The following TMEM179 variants were observed in gnomAD, a reference collection of about 807,000 sequenced individuals.
TMEM179 encodes the protein transmembrane protein 179, also known as transmembrane protein 179A.
Under a neutral mutation model 22.2 loss-of-function variants are expected in TMEM179, and 17 were observed. The observed-to-expected ratio is 0.77, with a 90% CI of 0.52 to 1.15. The LOEUF (loss-of-function observed/expected upper bound fraction) is 1.15, where lower values mean the gene tolerates loss of function less well. TMEM179 is among the 50% of genes most tolerant of loss of function. The pLI is 0.00. For synonymous variants in TMEM179, 127 were observed against 140.5 expected (o/e 0.90, Z 0.68); for missense variants, 265 against 313.6 (o/e 0.84, Z 1.17).
intron 3 of TMEM179, chr14:104,594,752 A>T (rs1886960893): frequency 1.4e-5 from 16 of 1,131,786 alleles, no homozygotes; most frequent in Non-Finnish European, 1.7e-5. Flanking sequence ...TGGCTAGGGG[A>T]CTCCTCTAAG....
Position 104,595,364 on chromosome 14 carries a change from A to C in TMEM179, c.444-121T>G. 6 of 937,592 alleles carry C rather than the reference A, an allele frequency of 6.4e-6. No homozygotes were observed. Among genetic ancestry groups the C allele is most frequent in the Non-Finnish European group, 9.7e-6 (6 of 620,794 alleles). The allele number at this position is 937,592 out of a possible 1,614,324, so 58.1% of individuals were successfully genotyped here. A position where few individuals can be genotyped will look rare whatever the true frequency, so the allele number is the denominator to read the frequency against. ...ACAATTGTTGGGCGAGGGGGTGGGC[A>C]GCAGGGAGTCTCTGGGGACATCACG... On this transcript the variant is annotated intron_variant, in intron 2 of 3. Transcript: ENST00000556573. The surrounding 1 kb of genome is among the most constrained non-coding windows in gnomAD (Gnocchi z 5.7).
chr14:104,593,757 A>G (rs964849312), intron 3 of TMEM179, 99 bp from the exon 4 acceptor site: 19 of 1,345,384 alleles, frequency 1.4e-5, no homozygotes, highest in Admixed American at 3.2e-5. Flanking sequence ...CAGGGAAAGG[A>G]CAGGACTCAG....
In TMEM179 at chr14:104,591,930, G is replaced by C. The variant is rs1309394181; in HGVS notation, c.*1549C>G. 6.0e-6 allele frequency: 1 copy of C among 166,378 alleles called. No individual in the cohort carries two copies. Among genetic ancestry groups the C allele is most frequent in the African/African-American group, 2.4e-5 (1 of 41,472 alleles). 10.3% of individuals were successfully genotyped at this position (166,378 alleles called of 1,614,324 possible). A position where few individuals can be genotyped will look rare whatever the true frequency, so the allele number is the denominator to read the frequency against. On this transcript the variant is annotated 3_prime_UTR_variant, in exon 4 of 4. Transcript: ENST00000556573. ...AACGAGTCCTCTGGAGGTGGACCCT[G>C]GGCTTTCCTGAGGGGCAGGGTCCAC...
rs74092120 is a variant in TMEM179, at chr14:104,601,776, C to T, written c.305+2661G>A. Among the ~76,000 whole-genome samples, 1,401 of 152,258 alleles carry T rather than the reference C, an allele frequency of 9.2e-3. 26 individuals carry two copies. The highest frequency in any genetic ancestry group is 0.033 in the African/African-American group (1,351 of 41,542). ...CAAAGGAGCTGAACCTGAAATGCTCCGCCACAGGCCCCTTCCTGACAGCAG... is the reference window on the plus strand; with the variant it reads ...CAAAGGAGCTGAACCTGAAATGCTCTGCCACAGGCCCCTTCCTGACAGCAG... On this transcript the variant is annotated intron_variant, in intron 1 of 3. Coordinates refer to ENST00000556573, the MANE Select transcript of TMEM179 (RefSeq NM_001286389.2).
intron 1 of TMEM179, among the ~76,000 whole-genome samples, chr14:104,602,709 C>T (rs1459608888): frequency 1.3e-5 from 2 of 152,218 alleles, no homozygotes; most frequent in East Asian, 1.9e-4. Context: ...CACCACCCTG[C>T]GCCCGGCCTG....
chr14:104,600,887 C>T (rs765629851), intron 1 of TMEM179, among the ~76,000 whole-genome samples: 1 of 152,222 alleles, frequency 6.6e-6, no homozygotes. Context: ...AGGAGGGCAG[C>T]CGGGTGGCCC....
rs1297934570 is a variant in TMEM179 at position 104,593,352 on chromosome 14, A to C, written c.*127T>G. The C allele has an allele frequency of 8.4e-7, 1 of 1,193,150 alleles. No individual in the cohort carries two copies. The highest frequency in any genetic ancestry group is 1.2e-6 in the Non-Finnish European group (1 of 850,680). The allele number at this position is 1,193,150 out of a possible 1,614,324, so 73.9% of individuals were successfully genotyped here. The stretch of plus-strand genomic sequence containing the variant: ...GCTCACCTCACTACACGTGGCGTCG[A>C]GGGGACACACGCAGGGCTGCATGTG... On this transcript the variant is annotated 3_prime_UTR_variant, in exon 4 of 4. Coordinates refer to ENST00000556573, the MANE Select transcript of TMEM179 (RefSeq NM_001286389.2).
intron 1 of TMEM179, among the ~76,000 whole-genome samples, chr14:104,599,633 C>G (rs4075661): frequency 2.6e-5 from 4 of 152,200 alleles, no homozygotes; most frequent in Middle Eastern, 6.8e-3. Flanking sequence ...GCAGTAAGCC[C>G]GCCCCACCTC....
At chr14:104,600,329 C>T (rs967566154) in intron 1 of TMEM179, among the ~76,000 whole-genome samples, 2 of 152,246 alleles carry the variant, frequency 1.3e-5, no homozygotes, top group African/African-American at 4.8e-5. Context: ...TCAGGGTGCC[C>T]TGCCAGGATG....
At chr14:104,603,742 A>C (rs983278620) in intron 1 of TMEM179, among the ~76,000 whole-genome samples, 1 of 152,146 alleles carries the variant, frequency 6.6e-6, no homozygotes, top group African/African-American at 2.4e-5. Context: ...GTGGGCCCCC[A>C]GAGGGCCCCC....
rs908571796 is a variant in TMEM179 at position 104,604,477 on chromosome 14, C to A, written c.265G>T (p.Ala89Ser). 6.3e-7 allele frequency: 1 copy of A among 1,580,802 alleles called. No individual in the cohort carries two copies. The highest frequency in any genetic ancestry group is 1.8e-5 in the Admixed American group (1 of 56,328). Residue 89 changes from alanine to serine, a missense_variant, in exon 1 of 4, where the codon GCC becomes TCC. Coordinates refer to ENST00000556573, the MANE Select transcript of TMEM179 (RefSeq NM_001286389.2). The surrounding 1 kb of genome is among the most constrained non-coding windows in gnomAD (Gnocchi z 4.6). ...LLSLLLAAAH[A>S]WRTLFFLCKG... is the part of the protein sequence containing the mutation. ...CAGAGGAAGAAGAGCGTGCGCCAGG[C>A]GTGCGCGGCGGCCAGCAGCAGAGAC...
intron 3 of TMEM179, chr14:104,594,451 C>A (rs1373613611): frequency 6.5e-6 from 8 of 1,231,812 alleles, no homozygotes; most frequent in Middle Eastern, 3.1e-4. Context: ...TGGTCTCAGC[C>A]ACCCCCACCC....
At position 104,593,427 on chromosome 14, in the gene TMEM179, C is replaced by A; in HGVS notation, c.*52G>T. 2 of 1,532,092 alleles carry A rather than the reference C, an allele frequency of 1.3e-6. No homozygotes were observed. The highest frequency in any genetic ancestry group is 1.2e-5 in the South Asian group (1 of 83,880). The allele number at this position is 1,532,092 out of a possible 1,614,324, so 94.9% of individuals were successfully genotyped here. A position where few individuals can be genotyped will look rare whatever the true frequency, so the allele number is the denominator to read the frequency against. On this transcript the variant is annotated 3_prime_UTR_variant, in exon 4 of 4. Transcript: ENST00000556573. ...AGCTGCTTCCCCAGGCAGGCCCGTG[C>A]CCCCGAGCGCAGCAGGGAGGTCGGG...
chr14:104,593,384 G>T lies in TMEM179; in HGVS notation c.*95C>A. 1 of 1,451,948 alleles carries T rather than the reference G, an allele frequency of 6.9e-7. No individual in the cohort carries two copies. Among genetic ancestry groups the T allele is most frequent in the Non-Finnish European group, 9.3e-7 (1 of 1,078,106 alleles). 89.9% of individuals were successfully genotyped at this position (1,451,948 alleles called of 1,614,324 possible). A position where few individuals can be genotyped will look rare whatever the true frequency, so the allele number is the denominator to read the frequency against. ...ACACGCAGGGCTGCATGTGGCCAGG[G>T]CCCAGGCAGAGCCCCCCAGCTGCTT... On this transcript the variant is annotated 3_prime_UTR_variant, in exon 4 of 4. Transcript: ENST00000556573.
intron 1 of TMEM179, among the ~76,000 whole-genome samples, chr14:104,601,787 C>T (rs1247259645): frequency 6.6e-6 from 1 of 152,150 alleles, no homozygotes; most frequent in Non-Finnish European, 1.5e-5. Flanking sequence ...GCCACAGGCC[C>T]CTTCCTGACA....
At chr14:104,594,971 C>A in intron 3 of TMEM179, 194 bp downstream of exon 3, 1 of 1,408,696 alleles carries the variant, frequency 7.1e-7, no homozygotes, top group Non-Finnish European at 9.3e-7. Context: ...AACCCACCTA[C>A]AAAAGCCCAG....
chr14:104,593,729 C>G (rs1299869591), intron 3 of TMEM179, 71 bp from the exon 4 acceptor site: 3 of 1,410,526 alleles, frequency 2.1e-6, no homozygotes, highest in Non-Finnish European at 2.8e-6. Context: ...CTCCCACCAG[C>G]CCCCAGGCTC....
rs746142593 is a variant in TMEM179, at chr14:104,604,397, G to C, written c.305+40C>G. On this transcript the variant is annotated intron_variant, in intron 1 of 3. Coordinates refer to ENST00000556573, the MANE Select transcript of TMEM179 (RefSeq NM_001286389.2). This position sits in a 1 kb window ranked among gnomAD's most constrained non-coding sequence, Gnocchi z 4.6. ...GGAGGTGGGTCTGGGGGCGCTGGGG[G>C]CATGGAAGGGGCGCCGCGCCGGGAG... 7.5e-6 allele frequency: 11 copies of C among 1,459,814 alleles called. 1 individual carries two copies. The South Asian group carries it at 1.3e-4, about 17-fold the overall frequency. 90.4% of individuals were successfully genotyped at this position (1,459,814 alleles called of 1,614,324 possible). A position where few individuals can be genotyped will look rare whatever the true frequency, so the allele number is the denominator to read the frequency against.
At chr14:104,598,934 G>C (rs1001021633) in intron 1 of TMEM179, among the ~76,000 whole-genome samples, 2 of 152,228 alleles carry the variant, frequency 1.3e-5, no homozygotes, top group Non-Finnish European at 2.9e-5. Context: ...ACGTACGCGT[G>C]GGGGGTGACC....
Sources: allele counts gnomAD v4.1 joint callset (sites outside exome capture counted in the v4.1 genomes callset), GRCh38; gene constraint gnomAD v4.1.1; non-coding constraint Gnocchi (gnomAD v3.1); transcripts MANE v1.5; gene names NCBI Gene and HGNC (gene_info 2026-07-23, HGNC 2026-07-21).